Variants in GALNT13 observed in about 807,000 individuals in gnomAD.
GALNT13 encodes the protein polypeptide N-acetylgalactosaminyltransferase 13, also known as UDP-GalNAc:polypeptide N-acetylgalactosaminyltransferase 13.
GALNT13 carries 28 observed loss-of-function variants against 64.2 expected under a neutral mutation model. That is an observed-to-expected ratio of 0.44 (90% CI 0.32 to 0.60). The LOEUF is 0.60. Among genes scored for constraint, GALNT13 ranks in the 20% least tolerant of loss-of-function variants. The probability of loss-of-function intolerance (pLI) is 0.05; values close to 1 mark genes in which losing one functional copy is unlikely to be tolerated. For missense variants in GALNT13, 577 were observed against 669.8 expected (o/e 0.86, Z 1.53); for synonymous variants, 214 against 224.6 (o/e 0.95, Z 0.42).
chr2:153,248,111 A>G, the GALNT13 span, among the ~76,000 whole-genome samples: 1 of 152,206 alleles, frequency 6.6e-6, no homozygotes, highest in South Asian at 2.1e-4. Flanking sequence ...AGACAGATTC[A>G]CAGCCGAATT....
chr2:154,017,120 G>A (rs1346787617), intron 3 of GALNT13, among the ~76,000 whole-genome samples: 1 of 152,108 alleles, frequency 6.6e-6, no homozygotes, highest in East Asian at 1.9e-4. Flanking sequence ...TCCACAGGGA[G>A]CTGTATCCCA....
chr2:153,347,618 AG>A, the GALNT13 span, among the ~76,000 whole-genome samples: 1 of 152,172 alleles, frequency 6.6e-6, no homozygotes, highest in African/African-American at 2.4e-5. Flanking sequence ...CATCACAGTT[AG>A]GTAGGATGCC....
At chr2:153,649,287 A>G in the GALNT13 span, among the ~76,000 whole-genome samples, 4 of 152,070 alleles carry the variant, frequency 2.6e-5, no homozygotes, top group African/African-American at 4.8e-5. Flanking sequence ...GGTAGTTTCT[A>G]TTTCTGTGGG....
At chr2:154,376,587 T>C (rs1234548115) in intron 9 of GALNT13, among the ~76,000 whole-genome samples, 1 of 152,118 alleles carries the variant, frequency 6.6e-6, no homozygotes, top group Non-Finnish European at 1.5e-5. Context: ...TAAATTTATA[T>C]AGAAGTCAAA....
chr2:153,775,098 C>A, the GALNT13 span, among the ~76,000 whole-genome samples: 1 of 152,030 alleles, frequency 6.6e-6, no homozygotes, highest in Non-Finnish European at 1.5e-5. Flanking sequence ...AGAAGTAATG[C>A]AAATTTTCCT....
intron 3 of GALNT13, among the ~76,000 whole-genome samples, chr2:153,950,513 A>G (rs1302484397): frequency 6.6e-6 from 1 of 152,124 alleles, no homozygotes; most frequent in Non-Finnish European, 1.5e-5. Flanking sequence ...ACTTCAGATA[A>G]CAGTTGGACA....
chr2:153,266,849 C>T, the GALNT13 span, among the ~76,000 whole-genome samples: 1 of 152,192 alleles, frequency 6.6e-6, no homozygotes, highest in East Asian at 1.9e-4. Context: ...TATGCCTTCC[C>T]AACAGTCCCC....
intron 4 of GALNT13, among the ~76,000 whole-genome samples, chr2:154,187,404 AC>A (rs1686316200): frequency 6.6e-6 from 1 of 150,764 alleles, no homozygotes; most frequent in African/African-American, 2.4e-5. Context: ...ACACACACAC[AC>A]ACACACACAA....
chr2:154,328,355 C>T (rs560238967), intron 9 of GALNT13, among the ~76,000 whole-genome samples: 2 of 152,066 alleles, frequency 1.3e-5, no homozygotes, highest in East Asian at 1.9e-4. Context: ...GTTTTTGATA[C>T]TCATCCACAC....
At chr2:154,294,099 T>C (rs1301976837) in intron 8 of GALNT13, among the ~76,000 whole-genome samples, 1 of 152,216 alleles carries the variant, frequency 6.6e-6, no homozygotes, top group Non-Finnish European at 1.5e-5. Context: ...TGAGCACAGA[T>C]GGCTGATGGG....
chr2:153,574,248 A>G, the GALNT13 span, among the ~76,000 whole-genome samples: 4 of 149,072 alleles, frequency 2.7e-5, no homozygotes, highest in African/African-American at 9.9e-5. Context: ...TATGTTATTT[A>G]TTTCTTTTCT....
chr2:153,891,450 C>G (rs1687548373), intron 1 of GALNT13, among the ~76,000 whole-genome samples: 1 of 151,956 alleles, frequency 6.6e-6, no homozygotes, highest in Non-Finnish European at 1.5e-5. Context: ...TATTTGAAAT[C>G]ACAACGCCTT....
the GALNT13 span, among the ~76,000 whole-genome samples, chr2:153,777,007 T>C: frequency 1.8e-4 from 27 of 152,316 alleles, no homozygotes; most frequent in Middle Eastern, 3.4e-3. Flanking sequence ...GAACTAAACA[T>C]ACCTGTGGAA....
the GALNT13 span, among the ~76,000 whole-genome samples, chr2:153,471,697 C>T: frequency 2.0e-5 from 3 of 152,174 alleles, no homozygotes; most frequent in African/African-American, 4.8e-5. Flanking sequence ...CTATGCAATA[C>T]ATAATCTTTG....
chr2:153,642,285 C>T, the GALNT13 span, among the ~76,000 whole-genome samples: 1 of 151,756 alleles, frequency 6.6e-6, no homozygotes, highest in Non-Finnish European at 1.5e-5. Flanking sequence ...TTCATGTGGT[C>T]TTGTTTGCTT....
chr2:153,166,422 A>T, the GALNT13 span, among the ~76,000 whole-genome samples: 1 of 152,110 alleles, frequency 6.6e-6, no homozygotes, highest in Non-Finnish European at 1.5e-5. Context: ...GAATTGTATT[A>T]AAAAACATTC....
the GALNT13 span, among the ~76,000 whole-genome samples, chr2:153,082,573 T>TTATATATATATATATA: frequency 2.5e-5 from 1 of 40,558 alleles, no homozygotes; most frequent in Non-Finnish European, 4.1e-5. Context: ...TTAGGCTGGT[T>TTATATATATATATATA]TATATATATA....
At chr2:153,281,852 A>G in the GALNT13 span, among the ~76,000 whole-genome samples, 1 of 148,954 alleles carries the variant, frequency 6.7e-6, no homozygotes, top group Non-Finnish European at 1.5e-5. Flanking sequence ...TTGACTTTGG[A>G]CAGTCTGGTG....
At chr2:153,963,029 G>T (rs1013475957) in intron 3 of GALNT13, among the ~76,000 whole-genome samples, 4 of 152,138 alleles carry the variant, frequency 2.6e-5, no homozygotes, top group East Asian at 3.9e-4. Flanking sequence ...AATTATTAAA[G>T]AACAGAAATT....
Sources: gnomAD v4.1 joint callset for allele counts (sites outside exome capture counted in the v4.1 genomes callset) on GRCh38, gnomAD v4.1.1 for gene constraint, MANE v1.5 for transcripts, NCBI Gene and HGNC (gene_info 2026-07-23, HGNC 2026-07-21) for gene names.